FCHO1: variants seen among roughly 807,000 people sequenced by gnomAD.
FCHO1 encodes F-BAR domain only protein 1.
In FCHO1, 45 loss-of-function variants were observed where a neutral mutation model predicts 114.4. The ratio of observed to expected loss-of-function variants is 0.39; its 90% CI spans 0.31 to 0.50. The LOEUF is 0.50. Ranked by LOEUF, FCHO1 falls within the 20% of genes least tolerant of loss-of-function variation. The pLI is 0.77. For synonymous variants in FCHO1, 480 were observed against 488.9 expected (o/e 0.98, Z 0.24); for missense variants, 1,042 against 1,209.6 (o/e 0.86, Z 2.06).
In FCHO1 at chr19:17,784,126, A is replaced by C; in HGVS notation, c.2117A>C (p.Glu706Ala). Residue 706 changes from glutamate to alanine, a missense_variant, in exon 25 of 29, where the codon GAG becomes GCG. Glu to Ala is a moderately radical substitution (Grantham distance 107). Coordinates refer to ENST00000596536, the MANE Select transcript of FCHO1 (RefSeq NM_015122.3). This position sits in a 1 kb window ranked among gnomAD's most constrained non-coding sequence, Gnocchi z 5.3. ...LFSDPSQSDP[E>A]TKDFWLNMAA... The stretch of plus-strand genomic sequence containing the variant: ...AGTGACCCCTCCCAGAGTGACCCTG[A>C]GACCAAAGACTTCTGGCTCAACATG... 1.2e-6 allele frequency: 2 copies of C among 1,614,128 alleles called. No individual in the cohort carries two copies. Among genetic ancestry groups the C allele is most frequent in the Non-Finnish European group, 1.7e-6 (2 of 1,180,020 alleles).
At chr19:17,751,321 CG>C (rs1413765424), upstream of FCHO1, among the ~76,000 whole-genome samples, 1 of 152,102 alleles carries the variant, frequency 6.6e-6, no homozygotes, top group Non-Finnish European at 1.5e-5. This position sits in a 1 kb window ranked among gnomAD's most constrained non-coding sequence, Gnocchi z 4.4. Flanking sequence ...AGGTTCAGGC[CG>C]GGGGGCTCCA....
chr19:17,764,330 T>G (rs753712854), intron 5 of FCHO1, 45 bp from the exon 6 acceptor site: 1 of 1,592,830 alleles, frequency 6.3e-7, no homozygotes, highest in East Asian at 2.2e-5. Context: ...CGTGAACCAC[T>G]GCGCCCGGGC....
In FCHO1 at chr19:17,772,758, A is replaced by G. The variant is rs1032934731; in HGVS notation, c.790+17A>G. ...AGAAGCCTGGTGAGTCAGGGCAGCC[A>G]TTGGGGGTCGGGCTTCGGGGCCACA... On this transcript the variant is annotated intron_variant, in intron 11 of 28. Coordinates refer to ENST00000596536, the MANE Select transcript of FCHO1 (RefSeq NM_015122.3). The G allele has an allele frequency of 1.2e-6, 2 of 1,606,072 alleles. No individual in the cohort carries two copies.
chr19:17,759,523 A>C (rs2085223168), intron 4 of FCHO1, among the ~76,000 whole-genome samples: 1 of 151,670 alleles, frequency 6.6e-6, no homozygotes, highest in Admixed American at 6.6e-5. Flanking sequence ...ACACCCATCT[A>C]GTCATTGATT....
In FCHO1 at chr19:17,776,792, T is replaced by C; in HGVS notation, c.1259+106T>C. On this transcript the variant is annotated intron_variant, in intron 18 of 28. Coordinates refer to ENST00000596536, the MANE Select transcript of FCHO1 (RefSeq NM_015122.3). The surrounding 1 kb of genome is among the most constrained non-coding windows in gnomAD (Gnocchi z 4.4). ...TTGTCCCGGCTGGGAGTTGACGTCA[T>C]GCTGGGGTTTTTTTGTTTTTGTTTT... is the stretch of plus-strand genomic sequence containing the variant. The C allele has an allele frequency of 9.2e-7, 1 of 1,087,564 alleles. No individual in the cohort carries two copies. The highest frequency in any genetic ancestry group is 1.4e-6 in the Non-Finnish European group (1 of 740,240). The allele number at this position is 1,087,564 out of a possible 1,614,324, so 67.4% of individuals were successfully genotyped here. A position where few individuals can be genotyped will look rare whatever the true frequency, so the allele number is the denominator to read the frequency against.
At chr19:17,765,131 C>T (rs1292987818) in intron 6 of FCHO1, among the ~76,000 whole-genome samples, 1 of 151,010 alleles carries the variant, frequency 6.6e-6, no homozygotes, top group East Asian at 1.9e-4. Context: ...CGGGCACTTT[C>T]TCTGGGGTGG....
At chr19:17,750,237 G>T (rs1349988551), upstream of FCHO1, among the ~76,000 whole-genome samples, 1 of 152,080 alleles carries the variant, frequency 6.6e-6, no homozygotes, top group African/African-American at 2.4e-5. Flanking sequence ...TGCTGGTACT[G>T]TACAGGCTGG....
intron 19 of FCHO1, 132 bp downstream of exon 19, chr19:17,778,360 G>A (rs1476709437): frequency 3.2e-5 from 27 of 836,354 alleles, no homozygotes; most frequent in Non-Finnish European, 5.2e-5. Flanking sequence ...AGGGGTGGGC[G>A]GGGCCAGAGT....
chr19:17,770,870 G>C lies in FCHO1; in HGVS notation c.568G>C (p.Glu190Gln). 6.2e-7 allele frequency: 1 copy of C among 1,614,092 alleles called. No homozygotes were observed. Among genetic ancestry groups the C allele is most frequent in the Non-Finnish European group, 8.5e-7 (1 of 1,180,036 alleles). The change falls in exon 9 of 29, where the codon GAG becomes CAG. Residue 190 changes from glutamate to glutamine, a missense_variant. Glu to Gln is a conservative substitution (Grantham distance 29). This residue lies in a region of FCHO1 where 450 missense variants were observed against 564.1 expected (regional missense o/e 0.80). Transcript: ENST00000596536. ...ATACAACTCAGCCCGAGCTGACTTT[G>C]AGCAGAAGATGCTGGACTCAGCCCT... Reference protein sequence around the residue: ...EKYNSARADFEQKMLDSALRF... With the variant: ...EKYNSARADFQQKMLDSALRF...
chr19:17,767,692 T>C (rs190098136), intron 7 of FCHO1, among the ~76,000 whole-genome samples: 2 of 152,014 alleles, frequency 1.3e-5, no homozygotes, highest in East Asian at 3.9e-4. Context: ...GACAGTCACA[T>C]ATCAGTGCCA....
intron 4 of FCHO1, among the ~76,000 whole-genome samples, chr19:17,761,839 T>C (rs1322105200): frequency 6.7e-6 from 1 of 150,048 alleles, no homozygotes; most frequent in Non-Finnish European, 1.5e-5. Flanking sequence ...TTTTGTATTT[T>C]TAGTAGAGAC....
rs745675840 is a variant in FCHO1 at position 17,766,720 on chromosome 19, G to A, written c.246G>A (p.Ala82=). 2.2e-5 allele frequency: 36 copies of A among 1,614,016 alleles called. No homozygotes were observed. The South Asian group carries it at 2.5e-4, about 11-fold the overall frequency. The change falls in exon 7 of 29, where the codon GCG becomes GCA. Residue 82 remains alanine (A), a synonymous_variant. Transcript: ENST00000596536. ...TCCGCGTCTCCTCGGACAAGCTGGC[G>A]CTGTGCCACCTGGAACTGACACGGA... ...EVFRVSSDKL[A]LCHLELTRKL...
chr19:17,770,673 G>A lies in FCHO1; in HGVS notation c.489+96G>A, dbSNP rs561104956. On this transcript the variant is annotated intron_variant, in intron 8 of 28. Coordinates refer to ENST00000596536, the MANE Select transcript of FCHO1 (RefSeq NM_015122.3). ...AACACATCCCAGAGCGACGGTCCTG[G>A]AACCTGTGGGTGATCACACCCTGGG... The A allele has an allele frequency of 2.0e-3, 3,089 of 1,579,254 alleles. 5 individuals are homozygous for A. Among genetic ancestry groups the A allele is most frequent in the Non-Finnish European group, 2.5e-3 (2,938 of 1,157,730 alleles).
intron 6 of FCHO1, among the ~76,000 whole-genome samples, chr19:17,764,941 G>A (rs375316523): frequency 3.7e-4 from 56 of 151,982 alleles, no homozygotes; most frequent in African/African-American, 1.3e-3. Flanking sequence ...GCGGGTGCCT[G>A]TAATCCCAGC....
intron 26 of FCHO1, among the ~76,000 whole-genome samples, chr19:17,785,942 C>A (rs768870494): frequency 6.6e-6 from 1 of 150,992 alleles, no homozygotes; most frequent in African/African-American, 2.4e-5. Context: ...CAAGGAGTTA[C>A]CCTGGGTGAC....
At position 17,764,363 on chromosome 19, in the gene FCHO1, T is replaced by A; in HGVS notation, c.120-12T>A. On this transcript the variant is annotated splice_polypyrimidine_tract_variant and intron_variant, in intron 5 of 28. Transcript: ENST00000596536. ...GGCAGTTTCTCCATCTTTACCTCAT[T>A]CTCCTCCCCAGGGCCACCATCGAGG... 2.5e-6 allele frequency: 4 copies of A among 1,613,206 alleles called. No individual in the cohort carries two copies. The highest frequency in any genetic ancestry group is 3.4e-6 in the Non-Finnish European group (4 of 1,179,788).
chr19:17,781,869 A>C (rs751290288), intron 23 of FCHO1, 49 bp downstream of exon 23: 13 of 1,279,800 alleles, frequency 1.0e-5, no homozygotes, highest in Admixed American at 6.6e-5. Context: ...GTGTTGGGGG[A>C]GTCCAGCAGG....
intron 18 of FCHO1, 39 bp from the exon 19 acceptor site, chr19:17,778,098 G>A (rs771353070): frequency 2.0e-6 from 3 of 1,525,514 alleles, no homozygotes; most frequent in Non-Finnish European, 1.8e-6. Flanking sequence ...TGAGGCTTGG[G>A]AAAAATAGAA....
At chr19:17,779,490 A>G (rs542390332) in intron 20 of FCHO1, among the ~76,000 whole-genome samples, 1 of 151,480 alleles carries the variant, frequency 6.6e-6, no homozygotes, top group East Asian at 2.0e-4. Flanking sequence ...CAGTGGGAGA[A>G]GCAGGTGGAA....
Sources: gnomAD v4.1 joint callset for allele counts (sites outside exome capture counted in the v4.1 genomes callset) on GRCh38, gnomAD v4.1.1 for gene constraint, gnomAD v4.1.1 regional missense constraint, Gnocchi (gnomAD v3.1) non-coding constraint, MANE v1.5 for transcripts, NCBI Gene and HGNC (gene_info 2026-07-23, HGNC 2026-07-21) for gene names.